UBTD1: variants seen among roughly 807,000 people sequenced by gnomAD.
The protein encoded by UBTD1 is ubiquitin domain-containing protein 1.
In UBTD1, 19 loss-of-function variants were observed where a neutral mutation model predicts 21.7. The ratio of observed to expected loss-of-function variants is 0.87; its 90% CI spans 0.61 to 1.28. The LOEUF (loss-of-function observed/expected upper bound fraction) is 1.28. UBTD1 is among the 50% of genes most tolerant of loss of function. The probability of loss-of-function intolerance (pLI) is 0.00; values close to 1 mark genes in which losing one functional copy is unlikely to be tolerated. For synonymous variants in UBTD1, 116 were observed against 135.1 expected (o/e 0.86, Z 0.98); for missense variants, 282 against 315.1 (o/e 0.89, Z 0.80).
intron 1 of UBTD1, among the ~76,000 whole-genome samples, chr10:97,513,055 G>A (rs560508387): frequency 4.6e-5 from 7 of 152,336 alleles, no homozygotes; most frequent in African/African-American, 1.7e-4. Context: ...GAAGGGAATT[G>A]GTATTGCTGG....
chr10:97,523,458 C>T (rs1048111747), intron 1 of UBTD1, among the ~76,000 whole-genome samples: 2 of 152,096 alleles, frequency 1.3e-5, no homozygotes, highest in Non-Finnish European at 2.9e-5. Context: ...GGGCCAGTTA[C>T]TGGTTGGGGT....
At chr10:97,543,158 C>T (rs557620487) in intron 1 of UBTD1, among the ~76,000 whole-genome samples, 17 of 152,346 alleles carry the variant, frequency 1.1e-4, no homozygotes, top group African/African-American at 2.9e-4. Context: ...GAGTGCAATG[C>T]GGACCCCGAG....
At chr10:97,568,870 C>T (rs2040731263) in intron 2 of UBTD1, among the ~76,000 whole-genome samples, 1 of 152,146 alleles carries the variant, frequency 6.6e-6, no homozygotes, top group Non-Finnish European at 1.5e-5. Flanking sequence ...GTTGCCCAGG[C>T]TGGAATGCAG....
chr10:97,558,067 T>C (rs2040673519), intron 1 of UBTD1, among the ~76,000 whole-genome samples: 1 of 152,164 alleles, frequency 6.6e-6, no homozygotes, highest in Non-Finnish European at 1.5e-5. Context: ...TGGGTGTGAC[T>C]GGAGCAGGGC....
chr10:97,522,712 T>C (rs1163805075), intron 1 of UBTD1, among the ~76,000 whole-genome samples: 2 of 152,246 alleles, frequency 1.3e-5, no homozygotes, highest in Non-Finnish European at 2.9e-5. Context: ...AGCTTTTAGC[T>C]TCCTTTCTCT....
At chr10:97,533,848 G>A (rs2040545730) in intron 1 of UBTD1, among the ~76,000 whole-genome samples, 1 of 151,842 alleles carries the variant, frequency 6.6e-6, no homozygotes, top group Non-Finnish European at 1.5e-5. Context: ...ACTTGAACCT[G>A]GGAGGTCGAG....
At chr10:97,533,644 G>T (rs1266745616) in intron 1 of UBTD1, among the ~76,000 whole-genome samples, 1 of 152,108 alleles carries the variant, frequency 6.6e-6, no homozygotes, top group Non-Finnish European at 1.5e-5. Context: ...TAAGCTCTGG[G>T]CTGGGTGTGG....
intron 1 of UBTD1, among the ~76,000 whole-genome samples, chr10:97,512,953 C>T (rs932991027): frequency 6.6e-6 from 1 of 152,192 alleles, no homozygotes; most frequent in Non-Finnish European, 1.5e-5. Flanking sequence ...GCAGGCTGCA[C>T]CTGGGGCCTC....
chr10:97,502,181 T>A (rs754148865), intron 1 of UBTD1, among the ~76,000 whole-genome samples: 5 of 152,170 alleles, frequency 3.3e-5, no homozygotes, highest in Non-Finnish European at 7.3e-5. Flanking sequence ...ATTTTTCATA[T>A]ATCTGCATTT....
intron 1 of UBTD1, among the ~76,000 whole-genome samples, chr10:97,557,786 G>A (rs1335452259): frequency 2.6e-5 from 4 of 152,012 alleles, no homozygotes; most frequent in East Asian, 1.9e-4. Flanking sequence ...CACACATCAG[G>A]TTGGTTATTT....
chr10:97,510,152 A>G (rs1410004306), intron 1 of UBTD1, among the ~76,000 whole-genome samples: 2 of 151,150 alleles, frequency 1.3e-5, no homozygotes, highest in African/African-American at 2.4e-5. Flanking sequence ...TTTAGTAGAG[A>G]TGGGGTTTCA....
At chr10:97,558,115 G>C (rs191490582) in intron 1 of UBTD1, among the ~76,000 whole-genome samples, 1 of 152,114 alleles carries the variant, frequency 6.6e-6, no homozygotes, top group African/African-American at 2.4e-5. Flanking sequence ...AGGGGTTGGC[G>C]AAGCTGCTCC....
chr10:97,502,905 A>G (rs2040383138), intron 1 of UBTD1, among the ~76,000 whole-genome samples: 1 of 138,928 alleles, frequency 7.2e-6, no homozygotes, highest in South Asian at 2.5e-4. Flanking sequence ...ATGTGTGTAT[A>G]TATGTATATA....
intron 1 of UBTD1, among the ~76,000 whole-genome samples, chr10:97,531,041 C>A (rs1371666213): frequency 6.6e-6 from 1 of 151,804 alleles, no homozygotes; most frequent in East Asian, 1.9e-4. Flanking sequence ...GTGCCCGCCA[C>A]CACGCCCAAC....
At chr10:97,518,559 C>T (rs981264516) in intron 1 of UBTD1, among the ~76,000 whole-genome samples, 12 of 152,230 alleles carry the variant, frequency 7.9e-5, no homozygotes, top group Non-Finnish European at 1.2e-4. Flanking sequence ...GGCAGAGCTG[C>T]CTGCTCTCTC....
At chr10:97,529,890 C>T (rs912631816) in intron 1 of UBTD1, among the ~76,000 whole-genome samples, 1 of 152,156 alleles carries the variant, frequency 6.6e-6, no homozygotes, top group Non-Finnish European at 1.5e-5. Flanking sequence ...AACCTGAGCC[C>T]AGAGTAGGCT....
chr10:97,538,229 C>T (rs1424838613), intron 1 of UBTD1, among the ~76,000 whole-genome samples: 1 of 152,046 alleles, frequency 6.6e-6, no homozygotes, highest in Non-Finnish European at 1.5e-5. Flanking sequence ...CAGTGGCTCG[C>T]ACCTGTAATC....
intron 1 of UBTD1, among the ~76,000 whole-genome samples, chr10:97,551,398 A>T (rs2040636805): frequency 6.6e-6 from 1 of 152,066 alleles, no homozygotes; most frequent in Non-Finnish European, 1.5e-5. Flanking sequence ...TTAAACAAAA[A>T]ATGTCTTTTG....
chr10:97,556,675 G>A (rs986970922), intron 1 of UBTD1, among the ~76,000 whole-genome samples: 1 of 152,204 alleles, frequency 6.6e-6, no homozygotes, highest in African/African-American at 2.4e-5. Context: ...AAGTTTACCT[G>A]TTTTTATGGG....
Sources: gnomAD v4.1 joint callset for allele counts (sites outside exome capture counted in the v4.1 genomes callset) on GRCh38, gnomAD v4.1.1 for gene constraint, MANE v1.5 for transcripts, NCBI Gene and HGNC (gene_info 2026-07-23, HGNC 2026-07-21) for gene names.